The following CSNK1G2 variants were observed in gnomAD, a reference collection of about 807,000 sequenced individuals.
The protein encoded by CSNK1G2 is casein kinase I isoform gamma-2.
A neutral mutation model predicts 48.0 loss-of-function variants in CSNK1G2; 11 were observed. The ratio of observed to expected loss-of-function variants is 0.23; its 90% CI spans 0.14 to 0.38. The LOEUF is 0.38. CSNK1G2 is among the 10% of genes least tolerant of loss of function. CSNK1G2 has a pLI of 1.00. For missense variants in CSNK1G2, 446 were observed against 595.5 expected, an observed-to-expected ratio of 0.75 and a Z score of 2.61; for synonymous variants, 337 against 254.1, an observed-to-expected ratio of 1.33 and a Z score of -3.10.
Position 1,978,595 on chromosome 19 carries a change from G to A in CSNK1G2, c.299-7G>A, listed in dbSNP as rs1004328528. ...CCGCACGCCCGTGCGTCTGTCCTCC[G>A]CCGCAGAGGGCGTCCCTCAGGTCTA... On this transcript the variant is annotated splice_polypyrimidine_tract_variant and splice_region_variant and intron_variant, in intron 4 of 11. Coordinates refer to ENST00000255641, the MANE Select transcript of CSNK1G2 (RefSeq NM_001319.7). This position sits in a 1 kb window ranked among gnomAD's most constrained non-coding sequence, Gnocchi z 7.3. 7.6e-6 allele frequency: 12 copies of A among 1,588,870 alleles called. No homozygotes were observed. Among genetic ancestry groups the A allele is most frequent in the Admixed American group, 5.3e-5 (3 of 56,342 alleles).
At chr19:1,952,283 A>G (rs1472266215) in intron 1 of CSNK1G2, among the ~76,000 whole-genome samples, 1 of 150,244 alleles carries the variant, frequency 6.7e-6, no homozygotes, top group African/African-American at 2.4e-5. Context: ...AGCACTGATG[A>G]TGCCCGAGTG....
Position 1,978,408 on chromosome 19 carries a change from C to T in CSNK1G2, c.229-34C>T. ...CCCCCAGGGATTTCAGGGCAGCGAC[C>T]CGGTCCCCTGGTGACTCGCTCTTGT... On this transcript the variant is annotated intron_variant, in intron 3 of 11. Transcript: ENST00000255641. This position sits in a 1 kb window ranked among gnomAD's most constrained non-coding sequence, Gnocchi z 7.3. 1 of 1,611,992 alleles carries T rather than the reference C, an allele frequency of 6.2e-7. No homozygotes were observed. Among genetic ancestry groups the T allele is most frequent in the Non-Finnish European group, 8.5e-7 (1 of 1,179,434 alleles).
chr19:1,979,275 CG>C lies in CSNK1G2; in HGVS notation c.768+31del, dbSNP rs771999035. 3,990 of 1,567,196 alleles carry C rather than the reference CG, an allele frequency of 2.5e-3. 7 individuals carry two copies. Among genetic ancestry groups the C allele is most frequent in the Non-Finnish European group, 3.2e-3 (3,671 of 1,157,430 alleles). On this transcript the variant is annotated intron_variant, in intron 7 of 11. Transcript: ENST00000255641. ...TGGGCGAGGAGGCCGGGCAGGCGGG[CG>C]GGGACGCAGGGCGGGAGCAAGGCTG...
Position 1,980,463 on chromosome 19 carries a change from A to C in CSNK1G2, c.*260A>C. The C allele has an allele frequency of 1.9e-6, 1 of 523,516 alleles. No homozygotes were observed. The highest frequency in any genetic ancestry group is 3.4e-6 in the Non-Finnish European group (1 of 292,772). 32.4% of individuals were successfully genotyped at this position (523,516 alleles called of 1,614,324 possible). A position where few individuals can be genotyped will look rare whatever the true frequency, so the allele number is the denominator to read the frequency against. ...CCAAGAGCATTAACTATTTAAAACA[A>C]GGAAAAGAGGAAAAAAAAAACAGAG... On this transcript the variant is annotated 3_prime_UTR_variant, in exon 12 of 12. Transcript: ENST00000255641.
chr19:1,969,343 C>T (rs1599318666), intron 1 of CSNK1G2, among the ~76,000 whole-genome samples, 165 bp from the exon 2 acceptor site: 1 of 151,152 alleles, frequency 6.6e-6, no homozygotes, highest in East Asian at 2.0e-4. Context: ...ATGTGTGCTT[C>T]CCAGCTGGGT....
intron 2 of CSNK1G2, among the ~76,000 whole-genome samples, chr19:1,976,485 G>A (rs2015760013): frequency 6.6e-6 from 1 of 152,230 alleles, no homozygotes; most frequent in African/African-American, 2.4e-5. Context: ...GGACAGGGCA[G>A]TGCCAGAAGG....
At chr19:1,943,493 G>A (rs1449603290) in intron 1 of CSNK1G2, among the ~76,000 whole-genome samples, 1 of 152,190 alleles carries the variant, frequency 6.6e-6, no homozygotes, top group Non-Finnish European at 1.5e-5. Flanking sequence ...GGGCTACAAA[G>A]GAAGTAGGCG....
At chr19:1,966,220 C>T (rs965915143) in intron 1 of CSNK1G2, among the ~76,000 whole-genome samples, 1 of 152,190 alleles carries the variant, frequency 6.6e-6, no homozygotes, top group Non-Finnish European at 1.5e-5. Flanking sequence ...AAAGGCTTTG[C>T]CGTTCTAGAG....
Position 1,957,560 on chromosome 19 carries a change from G to C in CSNK1G2, c.-265-11948G>C, listed in dbSNP as rs1282682312. On this transcript the variant is annotated intron_variant, in intron 1 of 11. Transcript: ENST00000255641. This position sits in a 1 kb window ranked among gnomAD's most constrained non-coding sequence, Gnocchi z 5.4. ...CATGTTTGTCCTCACTGAGGGAGCC[G>C]AGCAGATGCCTTTGCCCCTGCAGGT... Among the ~76,000 whole-genome samples, 2 of 152,300 alleles carry C rather than the reference G, an allele frequency of 1.3e-5. No homozygotes were observed. The highest frequency in any genetic ancestry group is 1.5e-5 in the Non-Finnish European group (1 of 68,002).
intron 1 of CSNK1G2, chr19:1,953,371 T>TG (rs34522656): frequency 1.9e-6 from 1 of 533,418 alleles, no homozygotes; most frequent in African/African-American, 1.9e-5. Flanking sequence ...GGGGCCTGGG[T>TG]GGGGGTGTTC....
Position 1,971,398 on chromosome 19 carries a change from C to G in CSNK1G2, c.187+1439C>G, listed in dbSNP as rs377121799. On this transcript the variant is annotated intron_variant, in intron 2 of 11. Transcript: ENST00000255641. ...TCCGACGGCCTGTGGCTCAGGAGGCCCGGGCTCCGTTTCTCAGCCAAGAGA... is the reference window on the plus strand; with the variant it reads ...TCCGACGGCCTGTGGCTCAGGAGGCGCGGGCTCCGTTTCTCAGCCAAGAGA... Among the ~76,000 whole-genome samples the G allele has an allele frequency of 9.2e-4, 140 of 152,372 alleles. 2 individuals carry two copies. In the East Asian group the frequency reaches 0.025, roughly 27 times the overall value.
chr19:1,942,178 G>A (rs915648123), intron 1 of CSNK1G2, among the ~76,000 whole-genome samples: 11 of 152,284 alleles, frequency 7.2e-5, no homozygotes, highest in African/African-American at 2.4e-4. Flanking sequence ...TTTGTTTTCC[G>A]GAAACGCACG....
At chr19:1,972,504 T>A (rs2015606884) in intron 2 of CSNK1G2, among the ~76,000 whole-genome samples, 1 of 152,270 alleles carries the variant, frequency 6.6e-6, no homozygotes, top group Admixed American at 6.5e-5. Flanking sequence ...TCTGTTTTTA[T>A]CCTGCTTGGG....
chr19:1,967,820 C>CACCACCCTTCA, intron 1 of CSNK1G2, among the ~76,000 whole-genome samples: 1 of 40,918 alleles, frequency 2.4e-5, no homozygotes, highest in South Asian at 1.1e-3. Flanking sequence ...AGGCTGCCCC[C>CACCACCCTTCA]GACCACCCTT....
At position 1,978,520 on chromosome 19, in the gene CSNK1G2, C is replaced by T. The variant is rs780374755; in HGVS notation, c.298+9C>T. On this transcript the variant is annotated intron_variant, in intron 4 of 11. Coordinates refer to ENST00000255641, the MANE Select transcript of CSNK1G2 (RefSeq NM_001319.7). The surrounding 1 kb of genome is among the most constrained non-coding windows in gnomAD (Gnocchi z 7.3). ...GCAGCTCAGCGCCACAGGTACCGGG[C>T]GGCCCGCGGGTGGGGCGGGGGCTGC... is the stretch of plus-strand genomic sequence containing the variant. 7.6e-6 allele frequency: 12 copies of T among 1,575,624 alleles called. No homozygotes were observed. The highest frequency in any genetic ancestry group is 3.6e-4 in the Middle Eastern group (2 of 5,530).
At position 1,952,696 on chromosome 19, in the gene CSNK1G2, T is replaced by C. The variant is rs150399611; in HGVS notation, c.-266+11278T>C. On this transcript the variant is annotated intron_variant, in intron 1 of 11. Coordinates refer to ENST00000255641, the MANE Select transcript of CSNK1G2 (RefSeq NM_001319.7). ...AGTACAGGCCTGACTCTGAGGGTCATGCGCCTAGCAGGCGTCGCCCGGTGC... is the reference window on the plus strand; with the variant it reads ...AGTACAGGCCTGACTCTGAGGGTCACGCGCCTAGCAGGCGTCGCCCGGTGC... 352 of 254,192 alleles carry C rather than the reference T, an allele frequency of 1.4e-3. 2 individuals carry two copies. The highest frequency in any genetic ancestry group is 7.8e-3 in the African/African-American group (328 of 42,056). The allele number at this position is 254,192 out of a possible 1,614,324, so 15.7% of individuals were successfully genotyped here.
intron 1 of CSNK1G2, among the ~76,000 whole-genome samples, chr19:1,960,677 C>T (rs1348050853): frequency 2.0e-5 from 3 of 152,122 alleles, no homozygotes; most frequent in Admixed American, 2.0e-4. Flanking sequence ...CACTTGAAGT[C>T]GGGAGTTTGA....
At chr19:1,945,543 C>T (rs1041351892) in intron 1 of CSNK1G2, among the ~76,000 whole-genome samples, 13 of 152,200 alleles carry the variant, frequency 8.5e-5, no homozygotes, top group East Asian at 1.9e-4. Flanking sequence ...CAGCTCTGGC[C>T]GGGCGCGGGG....
intron 1 of CSNK1G2, among the ~76,000 whole-genome samples, chr19:1,963,966 G>A (rs955393372): frequency 1.4e-4 from 21 of 151,254 alleles, no homozygotes; most frequent in African/African-American, 5.1e-4. Flanking sequence ...ACAGGCACCC[G>A]CCACCATGCC....
Sources: gnomAD v4.1 joint callset for allele counts (sites outside exome capture counted in the v4.1 genomes callset) on GRCh38, gnomAD v4.1.1 for gene constraint, Gnocchi (gnomAD v3.1) non-coding constraint, MANE v1.5 for transcripts, NCBI Gene and HGNC (gene_info 2026-07-23, HGNC 2026-07-21) for gene names.